LRRC37A2: variants seen among roughly 807,000 people sequenced by gnomAD.
LRRC37A2 encodes leucine-rich repeat-containing protein 37A2.
A neutral mutation model predicts 68.8 loss-of-function variants in LRRC37A2; 9 were observed. The ratio of observed to expected loss-of-function variants is 0.13; its 90% CI spans 0.08 to 0.23. The LOEUF (loss-of-function observed/expected upper bound fraction) is 0.23, where lower values mean the gene tolerates loss of function less well. LRRC37A2 is among the 10% of genes least tolerant of loss of function. The pLI is 1.00. For missense variants in LRRC37A2, 168 were observed against 950.4 expected (o/e 0.18, Z 10.82); for synonymous variants, 63 against 367.6 (o/e 0.17, Z 9.48).
At chr17:46,932,618 C>T in the LRRC37A2 span, 2 of 347,630 alleles carry the variant, frequency 5.8e-6, no homozygotes, top group Non-Finnish European at 1.0e-5. Context: ...GCTCCAGTGT[C>T]AGGTGCATTA....
the LRRC37A2 span, among the ~76,000 whole-genome samples, chr17:46,868,817 TC>T: frequency 2.0e-5 from 3 of 152,142 alleles, no homozygotes; most frequent in African/African-American, 7.2e-5. Context: ...ATGACGTTGT[TC>T]CTGCTGACCT....
At chr17:46,732,875 C>A in the LRRC37A2 span, among the ~76,000 whole-genome samples, 1 of 152,330 alleles carries the variant, frequency 6.6e-6, no homozygotes, top group East Asian at 1.9e-4. Flanking sequence ...GAGAACTCAG[C>A]AGCAGCAGCT....
the LRRC37A2 span, chr17:46,728,780 A>C: frequency 5.4e-5 from 61 of 1,130,300 alleles, no homozygotes; most frequent in East Asian, 3.0e-4. Flanking sequence ...ATGCAAAAAA[A>C]AAAAACAAAA....
At chr17:46,901,613 G>A in the LRRC37A2 span, among the ~76,000 whole-genome samples, 1 of 152,162 alleles carries the variant, frequency 6.6e-6, no homozygotes, top group Admixed American at 6.5e-5. Context: ...ATTCAGTGTA[G>A]TAGGTGGCAT....
the LRRC37A2 span, among the ~76,000 whole-genome samples, chr17:46,405,520 T>C: frequency 4.4e-5 from 2 of 45,744 alleles, no homozygotes; most frequent in East Asian, 3.2e-4. Context: ...GGGCGGATCG[T>C]GAGGTCAGGA....
At chr17:46,856,091 T>C in the LRRC37A2 span, among the ~76,000 whole-genome samples, 1 of 152,246 alleles carries the variant, frequency 6.6e-6, no homozygotes. Context: ...GTTTCTTCAG[T>C]GTGTGACCTC....
the LRRC37A2 span, among the ~76,000 whole-genome samples, chr17:46,833,612 T>C: frequency 2.0e-5 from 3 of 152,136 alleles, no homozygotes; most frequent in African/African-American, 7.2e-5. Flanking sequence ...CCCTGGCTCA[T>C]GGAGTGAGTG....
the LRRC37A2 span, among the ~76,000 whole-genome samples, chr17:46,980,300 TGAG>T: frequency 6.6e-6 from 1 of 152,172 alleles, no homozygotes; most frequent in Non-Finnish European, 1.5e-5. Flanking sequence ...GCTGGATGTC[TGAG>T]TTTTTCTTTC....
At chr17:46,737,908 ATATTATTAT>A in the LRRC37A2 span, among the ~76,000 whole-genome samples, 1,218 of 145,890 alleles carry the variant, frequency 8.3e-3, 22 homozygotes, top group African/African-American at 0.029. Context: ...TAAAATTAGC[ATATTATTAT>A]TATTATTATT....
At chr17:46,871,506 G>C in the LRRC37A2 span, among the ~76,000 whole-genome samples, 2 of 152,136 alleles carry the variant, frequency 1.3e-5, no homozygotes, top group South Asian at 4.1e-4. Context: ...CTTAGCTGGA[G>C]AGTAAAGCAT....
the LRRC37A2 span, among the ~76,000 whole-genome samples, chr17:46,747,602 T>C: frequency 1.3e-5 from 2 of 152,158 alleles, no homozygotes; most frequent in African/African-American, 4.8e-5. Flanking sequence ...ATATTGTATT[T>C]TAATTGCACA....
chr17:46,859,417 C>T, the LRRC37A2 span, among the ~76,000 whole-genome samples: 1 of 152,146 alleles, frequency 6.6e-6, no homozygotes, highest in East Asian at 1.9e-4. Flanking sequence ...ATGTTTTCTC[C>T]ACTGTCATCT....
At chr17:46,499,326 A>G in the LRRC37A2 span, among the ~76,000 whole-genome samples, 4 of 130,540 alleles carry the variant, frequency 3.1e-5, no homozygotes, top group South Asian at 1.2e-3. Flanking sequence ...AAAAAAAAAA[A>G]AAAAAAAAAG....
At chr17:46,773,200 A>G in the LRRC37A2 span, among the ~76,000 whole-genome samples, 1 of 152,082 alleles carries the variant, frequency 6.6e-6, no homozygotes, top group African/African-American at 2.4e-5. Flanking sequence ...CTGACAGGGC[A>G]TGAGGATGAA....
At chr17:46,726,172 A>C in the LRRC37A2 span, among the ~76,000 whole-genome samples, 1 of 152,230 alleles carries the variant, frequency 6.6e-6, no homozygotes, top group Non-Finnish European at 1.5e-5. Flanking sequence ...CTTATAGATA[A>C]TAAAATGGCA....
chr17:46,810,005 T>C, the LRRC37A2 span, among the ~76,000 whole-genome samples: 1 of 77,754 alleles, frequency 1.3e-5, no homozygotes, highest in Non-Finnish European at 3.0e-5. Context: ...TCTTTCTTTC[T>C]TTTTTTTTTT....
chr17:46,989,418 C>T, the LRRC37A2 span, among the ~76,000 whole-genome samples: 1 of 152,222 alleles, frequency 6.6e-6, no homozygotes, highest in Admixed American at 6.5e-5. Flanking sequence ...TTTGAGGAAT[C>T]GCTCTTCCCC....
the LRRC37A2 span, among the ~76,000 whole-genome samples, chr17:46,809,860 G>A: frequency 6.6e-6 from 1 of 152,114 alleles, no homozygotes; most frequent in Non-Finnish European, 1.5e-5. Flanking sequence ...GGAAGGAGCT[G>A]AGGACTCCCC....
At chr17:46,610,045 T>TCTCTC in the LRRC37A2 span, among the ~76,000 whole-genome samples, 17 of 86,286 alleles carry the variant, frequency 2.0e-4, no homozygotes, top group South Asian at 1.7e-3. Context: ...CTCTCTCTCT[T>TCTCTC]TCTTTCTTTC....
Sources: allele counts gnomAD v4.1 joint callset (sites outside exome capture counted in the v4.1 genomes callset), GRCh38; gene constraint gnomAD v4.1.1; transcripts MANE v1.5; gene names NCBI Gene and HGNC (gene_info 2026-07-23, HGNC 2026-07-21).